Variants in KDM7A observed in about 807,000 individuals in gnomAD.
KDM7A encodes the protein lysine-specific demethylase 7A.
A neutral mutation model predicts 114.8 loss-of-function variants in KDM7A; 28 were observed. The ratio of observed to expected loss-of-function variants is 0.24; its 90% CI spans 0.18 to 0.33. The LOEUF is 0.33. KDM7A is among the 10% of genes least tolerant of loss of function. KDM7A has a pLI of 1.00. For missense variants in KDM7A, 942 were observed against 1,142.5 expected (o/e 0.82, Z 2.53); for synonymous variants, 423 against 397.8 (o/e 1.06, Z -0.75).
At chr7:140,127,336 A>G (rs1337569995) in intron 5 of KDM7A, 106 bp downstream of exon 5, 9 of 936,594 alleles carry the variant, frequency 9.6e-6, no homozygotes, top group Non-Finnish European at 9.7e-6. Context: ...CTACCACTGG[A>G]CAACTTTAGA....
At chr7:140,136,900 T>C (rs905189273) in intron 2 of KDM7A, among the ~76,000 whole-genome samples, 1 of 152,030 alleles carries the variant, frequency 6.6e-6, no homozygotes, top group African/African-American at 2.4e-5. Flanking sequence ...GGCAGGAGAA[T>C]TGCTTGAACC....
intron 11 of KDM7A, among the ~76,000 whole-genome samples, chr7:140,104,315 A>G (rs1406303335): frequency 6.6e-6 from 1 of 152,028 alleles, no homozygotes; most frequent in Admixed American, 6.5e-5. Flanking sequence ...CTTTAATTAG[A>G]TCCCATTTGT....
At chr7:140,141,094 G>A (rs1794266782) in intron 1 of KDM7A, among the ~76,000 whole-genome samples, 2 of 152,068 alleles carry the variant, frequency 1.3e-5, no homozygotes, top group Non-Finnish European at 2.9e-5. Context: ...CAAAAACTAT[G>A]CAAAGCTTCT....
intron 1 of KDM7A, among the ~76,000 whole-genome samples, chr7:140,171,175 G>C (rs1008698915): frequency 6.6e-6 from 1 of 151,950 alleles, no homozygotes; most frequent in Non-Finnish European, 1.5e-5. Context: ...TCAAGATAAA[G>C]AATATGGCCG....
chr7:140,139,059 C>CA, intron 2 of KDM7A, 46 bp downstream of exon 2: 2 of 1,243,590 alleles, frequency 1.6e-6, no homozygotes, highest in South Asian at 2.4e-5. Context: ...TTTGAAATGT[C>CA]AGTTTTTCTG....
intron 1 of KDM7A, among the ~76,000 whole-genome samples, chr7:140,171,147 T>A (rs777693248): frequency 1.2e-4 from 18 of 152,076 alleles, no homozygotes; most frequent in Admixed American, 2.6e-4. Context: ...TACACATTCA[T>A]ACAACCACCA....
At chr7:140,171,633 ATATT>A (rs958583173) in intron 1 of KDM7A, among the ~76,000 whole-genome samples, 8 of 145,862 alleles carry the variant, frequency 5.5e-5, no homozygotes, top group African/African-American at 1.2e-4. Context: ...TTATAAATAT[ATATT>A]TATTTTATAT....
intron 3 of KDM7A, among the ~76,000 whole-genome samples, chr7:140,133,206 T>G (rs534214344): frequency 6.6e-6 from 1 of 152,316 alleles, no homozygotes; most frequent in African/African-American, 2.4e-5. Context: ...AGCAGCTGCA[T>G]ATCATAAGGA....
intron 3 of KDM7A, among the ~76,000 whole-genome samples, chr7:140,133,307 G>C (rs60285401): frequency 0.059 from 8,918 of 152,268 alleles, 339 homozygotes; most frequent in East Asian, 0.13. Context: ...GGGTGACCCA[G>C]TGTGCACATA....
At chr7:140,140,660 G>A (rs1452323738) in intron 1 of KDM7A, among the ~76,000 whole-genome samples, 1 of 151,532 alleles carries the variant, frequency 6.6e-6, no homozygotes, top group Non-Finnish European at 1.5e-5. Context: ...TGTAATCCCA[G>A]CCACTTGGGA....
At chr7:140,139,900 G>A (rs115828640) in intron 1 of KDM7A, among the ~76,000 whole-genome samples, 1,768 of 152,264 alleles carry the variant, frequency 0.012, 38 homozygotes, top group African/African-American at 0.041. Flanking sequence ...ACAATTTCAT[G>A]CTAAGAGATT....
intron 1 of KDM7A, among the ~76,000 whole-genome samples, chr7:140,143,047 G>A (rs1794302492): frequency 1.3e-5 from 2 of 151,898 alleles, no homozygotes; most frequent in African/African-American, 4.8e-5. Flanking sequence ...CGGGCGTGGT[G>A]GTGGGCGCCT....
rs572216261 is a variant in KDM7A, at chr7:140,142,792, G to A, written c.195-3602C>T. 7.9e-5 allele frequency among the ~76,000 whole-genome samples: 12 copies of A among 152,042 alleles called. 1 individual carries two copies. The South Asian group carries it at 2.3e-3, about 29-fold the overall frequency. On this transcript the variant is annotated intron_variant, in intron 1 of 19. Coordinates refer to ENST00000397560, the MANE Select transcript of KDM7A (RefSeq NM_030647.2). ...AAGAAACTCAGGCACATGTGCACCA[G>A]GATACCTACCTATACAAAACCGCTT...
chr7:140,118,692 G>GT (rs35290805), intron 9 of KDM7A, among the ~76,000 whole-genome samples: 63,176 of 151,636 alleles, frequency 0.42, 13,399 homozygotes, highest in Middle Eastern at 0.47. Flanking sequence ...GCTAGGATTA[G>GT]GGCGTGAACC....
At chr7:140,152,443 G>C (rs1319279850) in intron 1 of KDM7A, among the ~76,000 whole-genome samples, 3 of 151,958 alleles carry the variant, frequency 2.0e-5, no homozygotes, top group South Asian at 4.2e-4. Context: ...TGGGCGACAA[G>C]GCAAAACCCA....
At chr7:140,174,312 C>T in intron 1 of KDM7A, among the ~76,000 whole-genome samples, 1 of 152,256 alleles carries the variant, frequency 6.6e-6, no homozygotes, top group Middle Eastern at 3.4e-3. Flanking sequence ...ACCCTGGGCT[C>T]AAAAAAACCT....
rs757092099 is a variant in KDM7A at position 140,096,608 on chromosome 7, C to A, written c.2321G>T (p.Gly774Val). ...NSLQDPSSCHGSNHEVRQLYR... is the reference protein window; with the variant it reads ...NSLQDPSSCHVSNHEVRQLYR... ...CAACTGCCTAACCTCATGGTTACTGCCATGGCAGCTGCTGGGATCCTGGAG... is the reference window on the plus strand; with the variant it reads ...CAACTGCCTAACCTCATGGTTACTGACATGGCAGCTGCTGGGATCCTGGAG... The change falls in exon 17 of 20, where the codon GGC (glycine) becomes GTC (valine). Residue 774 changes from glycine (G) to valine (V), a missense_variant. Around this residue, in one of 4 missense-constraint regions of KDM7A, gnomAD observed 512 missense variants for 576.6 expected, o/e 0.89. Coordinates refer to ENST00000397560, the MANE Select transcript of KDM7A (RefSeq NM_030647.2). 6.2e-7 allele frequency: 1 copy of A among 1,614,182 alleles called. No homozygotes were observed. The highest frequency in any genetic ancestry group is 8.5e-7 in the Non-Finnish European group (1 of 1,180,004).
chr7:140,111,097 C>G lies in KDM7A; in HGVS notation c.1426G>C (p.Glu476Gln). ...KELSKVIRAI[E>Q]EENGKPVKSQ... ...TACATGACAGTTTCCACTCTTACCT[C>G]TATTGCTCGAATTACTTTAGAAAGT... The change falls in exon 11 of 20, where the codon GAG becomes CAG. Residue 476 changes from glutamate to glutamine, a missense_variant and splice_region_variant. Physicochemically the swap from Glu to Gln is conservative, Grantham distance 29 (BLOSUM62 2). This residue lies in a region of KDM7A where 512 missense variants were observed against 576.6 expected (regional missense o/e 0.89). Coordinates refer to ENST00000397560, the MANE Select transcript of KDM7A (RefSeq NM_030647.2). The G allele has an allele frequency of 3.2e-6, 5 of 1,555,540 alleles. No homozygotes were observed. Among genetic ancestry groups the G allele is most frequent in the Non-Finnish European group, 4.4e-6 (5 of 1,129,040 alleles).
Position 140,087,016 on chromosome 7 carries a change from C to CT in KDM7A, c.*4077dup, listed in dbSNP as rs528882014. 37 of 152,342 alleles carry CT rather than the reference C, an allele frequency of 2.4e-4. No individual in the cohort carries two copies. In the East Asian group the frequency reaches 6.7e-3, roughly 28 times the overall value. 9.4% of individuals were successfully genotyped at this position (152,342 alleles called of 1,614,324 possible). On this transcript the variant is annotated 3_prime_UTR_variant, in exon 20 of 20. Transcript: ENST00000397560. ...ATAGTCTTACTGCTGCAGAGAGCAT[C>CT]TTTTGAAAAAGGCAGAAAGAATCTT...
Sources: gnomAD v4.1 joint callset for allele counts (sites outside exome capture counted in the v4.1 genomes callset) on GRCh38, gnomAD v4.1.1 for gene constraint, gnomAD v4.1.1 regional missense constraint, MANE v1.5 for transcripts, NCBI Gene and HGNC (gene_info 2026-07-23, HGNC 2026-07-21) for gene names.